The following MAPK11 variants were observed in gnomAD, a reference collection of about 807,000 sequenced individuals.
The protein encoded by MAPK11 is mitogen-activated protein kinase 11.
MAPK11 carries 44 observed loss-of-function variants against 52.2 expected under a neutral mutation model. The ratio of observed to expected loss-of-function variants is 0.84; its 90% CI spans 0.66 to 1.08. The LOEUF (loss-of-function observed/expected upper bound fraction) is 1.08. MAPK11 is among the 50% of genes least tolerant of loss of function. The pLI is 0.00. For synonymous variants in MAPK11, 233 were observed against 206.3 expected (o/e 1.13, Z -1.11); for missense variants, 436 against 494.7 (o/e 0.88, Z 1.13).
chr22:50,265,786 G>T (rs965892708), intron 9 of MAPK11, 126 bp from the exon 10 acceptor site: 2 of 634,388 alleles, frequency 3.2e-6, no homozygotes, highest in Admixed American at 3.0e-5. Context: ...GGCACAGGCA[G>T]ACCAGTGACC....
chr22:50,268,163 G>T (rs1292581678), intron 1 of MAPK11, among the ~76,000 whole-genome samples: 1 of 152,242 alleles, frequency 6.6e-6, no homozygotes, highest in African/African-American at 2.4e-5. Context: ...ACCACCATGC[G>T]TGTGTTCACC....
rs201458373 is a variant in MAPK11, at chr22:50,264,872, G to A, written c.*76C>T. 8.8e-6 allele frequency: 11 copies of A among 1,246,496 alleles called. No individual in the cohort carries two copies. The highest frequency in any genetic ancestry group is 7.9e-5 in the South Asian group (6 of 75,514). The allele number at this position is 1,246,496 out of a possible 1,614,324, so 77.2% of individuals were successfully genotyped here. ...CATAGGAGTGTGGGAGGTGCCTCTC[G>A]AGGAAACCAGGCCAGCTGTGGAAGG... On this transcript the variant is annotated 3_prime_UTR_variant, in exon 12 of 12. Transcript: ENST00000330651.
In MAPK11 at chr22:50,267,950, C is replaced by T; in HGVS notation, c.117-1G>A. On this transcript the variant is annotated splice_acceptor_variant, in intron 1 of 11. Coordinates refer to ENST00000330651, the MANE Select transcript of MAPK11 (RefSeq NM_002751.7). LOFTEE classifies it high-confidence loss of function. The stretch of plus-strand genomic sequence containing the variant: ...GCGCAGCCGGGCGTCGTAGGCCGAA[C>T]TGGAAGGCGGGCGAGTGAGGCGGCG... 1 of 1,557,900 alleles carries T rather than the reference C, an allele frequency of 6.4e-7. No individual in the cohort carries two copies. Among genetic ancestry groups the T allele is most frequent in the Non-Finnish European group, 8.7e-7 (1 of 1,154,582 alleles).
chr22:50,268,042 G>C (rs1033633695), intron 1 of MAPK11, 93 bp from the exon 2 acceptor site: 1 of 1,352,210 alleles, frequency 7.4e-7, no homozygotes, highest in Non-Finnish European at 9.6e-7. Flanking sequence ...CCGCTTCTCC[G>C]TGGGGATGGG....
intron 1 of MAPK11, among the ~76,000 whole-genome samples, 192 bp downstream of exon 1, chr22:50,269,985 G>C (rs1021285564): frequency 1.3e-5 from 2 of 151,080 alleles, no homozygotes; most frequent in Admixed American, 6.6e-5. Context: ...TCCCGGTAAC[G>C]GCGTCTGCTT....
intron 6 of MAPK11, 28 bp from the exon 7 acceptor site, chr22:50,267,076 C>T: frequency 1.9e-6 from 3 of 1,611,596 alleles, no homozygotes; most frequent in Non-Finnish European, 2.5e-6. Context: ...TGTTCTCAAG[C>T]TCCGCACGGG....
At chr22:50,266,382 GC>G in intron 8 of MAPK11, 77 bp from the exon 9 acceptor site, 1 of 1,466,122 alleles carries the variant, frequency 6.8e-7, no homozygotes, top group Non-Finnish European at 9.3e-7. Flanking sequence ...TTGGGGCGCT[GC>G]CCAGAGCCCG....
intron 2 of MAPK11, 29 bp downstream of exon 2, chr22:50,267,791 C>T (rs1417928357): frequency 3.3e-6 from 5 of 1,501,372 alleles, no homozygotes; most frequent in South Asian, 2.5e-5. Flanking sequence ...CCGCACGCGC[C>T]CTCCCCCCAC....
chr22:50,270,031 A>G lies in MAPK11; in HGVS notation c.116+146T>C, dbSNP rs1349804383. 15 of 124,252 alleles carry G rather than the reference A, an allele frequency of 1.2e-4. No homozygotes were observed. Among genetic ancestry groups the G allele is most frequent in the Non-Finnish European group, 2.1e-4 (13 of 62,162 alleles). The allele number at this position is 124,252 out of a possible 1,614,324, so 7.7% of individuals were successfully genotyped here. On this transcript the variant is annotated intron_variant, in intron 1 of 11. Transcript: ENST00000330651. The surrounding 1 kb of genome is among the most constrained non-coding windows in gnomAD (Gnocchi z 6.3). ...TTTACGCCGCCACCCCCGCCCCCCC[A>G]TTCATTCCTCAGATCCGCTTGGCGC...
Position 50,266,209 on chromosome 22 carries a change from G to A in MAPK11, c.762+17C>T, listed in dbSNP as rs752258769. 1.3e-6 allele frequency: 2 copies of A among 1,565,884 alleles called. No individual in the cohort carries two copies. The highest frequency in any genetic ancestry group is 8.7e-7 in the Non-Finnish European group (1 of 1,153,480). ...CAGCCAGGAGAGGGAGCTGCTGGCT[G>A]GCGGGCACCAACTCACGTGTTCTGA... is the stretch of plus-strand genomic sequence containing the variant. On this transcript the variant is annotated intron_variant, in intron 9 of 11. Transcript: ENST00000330651.
In MAPK11 at chr22:50,270,324, A is replaced by AGCCCCGC. The variant is rs1228177730; in HGVS notation, c.-39_-33dup. The AGCCCCGC allele has an allele frequency of 6.9e-5, 70 of 1,008,538 alleles. No individual in the cohort carries two copies. Among genetic ancestry groups the AGCCCCGC allele is most frequent in the South Asian group, 4.8e-4 (11 of 22,868 alleles). 62.5% of individuals were successfully genotyped at this position (1,008,538 alleles called of 1,614,324 possible). A position where few individuals can be genotyped will look rare whatever the true frequency, so the allele number is the denominator to read the frequency against. ...AGCAGCCGCCGCTCCGCCCGGGCCC[A>AGCCCCGC]GCCCCGCGCCCCGCGCCCGCGCCCG... On this transcript the variant is annotated 5_prime_UTR_variant, in exon 1 of 12. Transcript: ENST00000330651. This position sits in a 1 kb window ranked among gnomAD's most constrained non-coding sequence, Gnocchi z 6.3.
rs2065299280 is a variant in MAPK11 at position 50,270,316 on chromosome 22, C to T, written c.-24G>A. Reference sequence around the variant, plus strand: ...ATGTCCGGAGCAGCCGCCGCTCCGCCCGGGCCCAGCCCCGCGCCCCGCGCC... The same window carrying T: ...ATGTCCGGAGCAGCCGCCGCTCCGCTCGGGCCCAGCCCCGCGCCCCGCGCC... On this transcript the variant is annotated 5_prime_UTR_variant, in exon 1 of 12. Coordinates refer to ENST00000330651, the MANE Select transcript of MAPK11 (RefSeq NM_002751.7). This position sits in a 1 kb window ranked among gnomAD's most constrained non-coding sequence, Gnocchi z 6.3. 1.9e-6 allele frequency: 2 copies of T among 1,080,514 alleles called. No homozygotes were observed. The highest frequency in any genetic ancestry group is 2.3e-6 in the Non-Finnish European group (2 of 857,056). 66.9% of individuals were successfully genotyped at this position (1,080,514 alleles called of 1,614,324 possible).
Position 50,267,046 on chromosome 22 carries a change from G to T in MAPK11, c.498C>A (p.Ile166=). The T allele has an allele frequency of 6.2e-7, 1 of 1,612,002 alleles. No homozygotes were observed. ...VAVNEDCELR[I]LDFGLARQAD... Reference sequence around the variant, plus strand: ...CCTGGCGCGCCAGCCCAAAATCCAGGATCTGGGGCGACCACGTGGTGTTCT... The same window carrying T: ...CCTGGCGCGCCAGCCCAAAATCCAGTATCTGGGGCGACCACGTGGTGTTCT... The change falls in exon 7 of 12, where the codon ATC becomes ATA. Residue 166 remains isoleucine (I), a splice_region_variant and synonymous_variant. Transcript: ENST00000330651.
Position 50,267,558 on chromosome 22 carries a change from C to T in MAPK11, c.305+11G>A. On this transcript the variant is annotated intron_variant, in intron 3 of 11. Coordinates refer to ENST00000330651, the MANE Select transcript of MAPK11 (RefSeq NM_002751.7). Reference sequence around the variant, plus strand: ...CGCGCTCCCCGCTGCCTCGCCCGCCCCGCCGCTCACACTTCGCTGAAGTCC... The same window carrying T: ...CGCGCTCCCCGCTGCCTCGCCCGCCTCGCCGCTCACACTTCGCTGAAGTCC... 1 of 1,545,550 alleles carries T rather than the reference C, an allele frequency of 6.5e-7. No homozygotes were observed. Among genetic ancestry groups the T allele is most frequent in the Non-Finnish European group, 8.7e-7 (1 of 1,143,936 alleles).
intron 2 of MAPK11, 71 bp downstream of exon 2, chr22:50,267,749 G>T (rs1273297085): frequency 5.0e-6 from 7 of 1,400,066 alleles, no homozygotes; most frequent in Non-Finnish European, 6.6e-6. Context: ...GCCAGGGCTC[G>T]CCCGCCTATT....
intron 1 of MAPK11, among the ~76,000 whole-genome samples, chr22:50,268,771 G>A (rs2065286000): frequency 6.6e-6 from 1 of 152,178 alleles, no homozygotes; most frequent in Non-Finnish European, 1.5e-5. Flanking sequence ...AGTGGAGGCT[G>A]AGGCCACCCC....
intron 9 of MAPK11, 111 bp downstream of exon 9, chr22:50,266,115 C>G (rs2065260056): frequency 1.1e-6 from 1 of 883,208 alleles, no homozygotes; most frequent in Non-Finnish European, 1.7e-6. Context: ...TCTATCCCAC[C>G]ACATCCCATG....
At position 50,267,362 on chromosome 22, in the gene MAPK11, G is replaced by A. The variant is rs1394727547; in HGVS notation, c.417+9C>T. ...TGCGAGAGGACCCGCGAAGCCCAGG[G>A]CGCCCCACCTTCAGCCCGCGCAGCA... is the stretch of plus-strand genomic sequence containing the variant. On this transcript the variant is annotated intron_variant, in intron 4 of 11. Coordinates refer to ENST00000330651, the MANE Select transcript of MAPK11 (RefSeq NM_002751.7). 2 of 1,604,350 alleles carry A rather than the reference G, an allele frequency of 1.2e-6. No homozygotes were observed. The highest frequency in any genetic ancestry group is 1.3e-5 in the African/African-American group (1 of 74,846).
At chr22:50,268,059 G>T in intron 1 of MAPK11, 110 bp from the exon 2 acceptor site, 2 of 1,243,218 alleles carry the variant, frequency 1.6e-6, no homozygotes, top group Non-Finnish European at 2.1e-6. Flanking sequence ...TGGGGCCGTG[G>T]GGCTTTTCTG....
Sources: allele counts gnomAD v4.1 joint callset (sites outside exome capture counted in the v4.1 genomes callset), GRCh38; gene constraint gnomAD v4.1.1; non-coding constraint Gnocchi (gnomAD v3.1); transcripts MANE v1.5; gene names NCBI Gene and HGNC (gene_info 2026-07-23, HGNC 2026-07-21).